The following TRAPPC10 variants were observed in gnomAD, a reference collection of about 807,000 sequenced individuals.
TRAPPC10 encodes TRAPP 130 kDa subunit.
In TRAPPC10, 23 loss-of-function variants were observed where a neutral mutation model predicts 125.5. The ratio of observed to expected loss-of-function variants is 0.18; its 90% confidence interval spans 0.13 to 0.26. TRAPPC10 has a LOEUF of 0.26. TRAPPC10 is among the 10% of genes least tolerant of loss of function. TRAPPC10 has a pLI of 1.00. For synonymous variants in TRAPPC10, 509 were observed against 518.0 expected, an observed-to-expected ratio of 0.98 and a Z score of 0.24; for missense variants, 1,123 against 1,308.4, an observed-to-expected ratio of 0.86 and a Z score of 2.19.
At chr21:44,057,099 G>A (rs905809624) in intron 5 of TRAPPC10, among the ~76,000 whole-genome samples, 1 of 152,146 alleles carries the variant, frequency 6.6e-6, no homozygotes, top group Non-Finnish European at 1.5e-5. Flanking sequence ...TGCTGTGTCT[G>A]CTTATGTGAG....
intron 1 of TRAPPC10, among the ~76,000 whole-genome samples, chr21:44,030,316 A>G (rs1269645096): frequency 6.6e-6 from 1 of 152,144 alleles, no homozygotes; most frequent in Non-Finnish European, 1.5e-5. Context: ...GATTCCATTT[A>G]GTTGGCTTAC....
At chr21:44,069,666 A>G (rs921025471) in intron 7 of TRAPPC10, among the ~76,000 whole-genome samples, 1 of 152,132 alleles carries the variant, frequency 6.6e-6, no homozygotes. Context: ...AGATACATGC[A>G]CACACACATG....
intron 15 of TRAPPC10, among the ~76,000 whole-genome samples, chr21:44,086,022 TG>T (rs2038100784): frequency 6.6e-6 from 1 of 152,260 alleles, no homozygotes; most frequent in Non-Finnish European, 1.5e-5. Flanking sequence ...CAGCAAAGGC[TG>T]TCAGATGTGG....
At chr21:44,039,997 G>A (rs927389161) in intron 3 of TRAPPC10, among the ~76,000 whole-genome samples, 2 of 152,182 alleles carry the variant, frequency 1.3e-5, no homozygotes, top group African/African-American at 2.4e-5. Context: ...GTGCTACAAC[G>A]TGCATAAGAT....
intron 5 of TRAPPC10, among the ~76,000 whole-genome samples, chr21:44,058,068 G>A (rs1207236710): frequency 6.6e-6 from 1 of 152,184 alleles, no homozygotes; most frequent in Non-Finnish European, 1.5e-5. Flanking sequence ...CGCCGTCAGT[G>A]TACAGTTTTT....
In TRAPPC10 at chr21:44,021,356, T is replaced by G. The variant is rs553336034; in HGVS notation, c.67+8796T>G. ...GAGTTTACATTCTGTCAAGAAGAGA[T>G]AGACAATAGACAAATAATGTTAGGT... On this transcript the variant is annotated intron_variant, in intron 1 of 22. Transcript: ENST00000291574. Among the ~76,000 whole-genome samples the G allele has an allele frequency of 1.3e-4, 20 of 152,072 alleles. No homozygotes were observed. In the South Asian group the frequency reaches 2.1e-3, roughly 16 times the overall value.
At chr21:44,074,068 A>G (rs2037091032) in intron 7 of TRAPPC10, among the ~76,000 whole-genome samples, 2 of 152,218 alleles carry the variant, frequency 1.3e-5, no homozygotes. Context: ...AAATACAATA[A>G]TTGAAAGTTA....
chr21:44,091,981 A>T lies in TRAPPC10; in HGVS notation c.2929A>T (p.Ser977Cys), dbSNP rs386352376. The change falls in exon 19 of 23, where the codon AGT becomes TGT. Residue 977 changes from serine to cysteine, a missense_variant. Around this residue, in one of 4 missense-constraint regions of TRAPPC10, gnomAD observed 840 missense variants for 902.0 expected, o/e 0.93. Transcript: ENST00000291574. ...LSELDFQLSD[S>C]YLVDTGDSTD... Reference sequence around the variant, plus strand: ...AGAACTTGACTTTCAGCTGTCAGATAGTTATCTTGTAGATACCGGTGATAG... The same window carrying T: ...AGAACTTGACTTTCAGCTGTCAGATTGTTATCTTGTAGATACCGGTGATAG... The T allele has an allele frequency of 6.2e-7, 1 of 1,614,184 alleles. No individual in the cohort carries two copies. The highest frequency in any genetic ancestry group is 8.5e-7 in the Non-Finnish European group (1 of 1,180,022).
intron 13 of TRAPPC10, among the ~76,000 whole-genome samples, chr21:44,081,017 C>CTTTCTTTTTTTTT (rs2037688189): frequency 1.0e-5 from 1 of 97,196 alleles, no homozygotes; most frequent in African/African-American, 4.2e-5. Flanking sequence ...TTTTTTTTTT[C>CTTTCTTTTTTTTT]TTTTTTTTTT....
intron 1 of TRAPPC10, among the ~76,000 whole-genome samples, chr21:44,016,906 C>T (rs572277006): frequency 1.1e-4 from 17 of 152,350 alleles, no homozygotes; most frequent in Non-Finnish European, 1.3e-4. Context: ...CTGCCCGCCT[C>T]AGCCTCCCAA....
chr21:44,030,281 A>G (rs1317276570), intron 1 of TRAPPC10, among the ~76,000 whole-genome samples: 1 of 152,096 alleles, frequency 6.6e-6, no homozygotes, highest in Admixed American at 6.6e-5. Flanking sequence ...TTTTATATAG[A>G]AAACCAAGTG....
rs2038454170 is a variant in TRAPPC10 at position 44,089,867 on chromosome 21, C to T, written c.2804C>T (p.Thr935Ile). The change falls in exon 18 of 23, where the codon ACA becomes ATA. Residue 935 changes from threonine (T) to isoleucine (I), a missense_variant. Thr to Ile is a moderately conservative substitution (Grantham distance 89). This residue lies in a region of TRAPPC10 where 840 missense variants were observed against 902.0 expected (regional missense o/e 0.93). Coordinates refer to ENST00000291574, the MANE Select transcript of TRAPPC10 (RefSeq NM_003274.5). ...SIDCPWSIYS[T>I]VIALTFSVPF... ...GACTGCCCGTGGTCCATCTACTCCA[C>T]AGTCATCGCACTGACCTTCAGCGTA... The T allele has an allele frequency of 3.1e-6, 5 of 1,613,974 alleles. No individual in the cohort carries two copies. The East Asian group carries it at 1.1e-4, about 36-fold the overall frequency.
chr21:44,078,749 T>C (rs2037460780), intron 11 of TRAPPC10, among the ~76,000 whole-genome samples: 2 of 152,206 alleles, frequency 1.3e-5, no homozygotes, highest in African/African-American at 2.4e-5. Context: ...GAGGGGATCC[T>C]TGTTGCTCCT....
chr21:44,030,527 G>C lies in TRAPPC10; in HGVS notation c.68-1564G>C, dbSNP rs182373375. Reference sequence around the variant, plus strand: ...TTGTTGCCCAGGCTGGAGTGCAATGGTGCAATCTTGGCTCACTGCAACCTC... The same window carrying C: ...TTGTTGCCCAGGCTGGAGTGCAATGCTGCAATCTTGGCTCACTGCAACCTC... On this transcript the variant is annotated intron_variant, in intron 1 of 22. Transcript: ENST00000291574. 8.5e-4 allele frequency among the ~76,000 whole-genome samples: 129 copies of C among 151,970 alleles called. 2 individuals are homozygous for C. The Middle Eastern group carries it at 0.021, about 24-fold the overall frequency.
intron 17 of TRAPPC10, 43 bp from the exon 18 acceptor site, chr21:44,089,790 C>G (rs759095297): frequency 6.7e-7 from 1 of 1,501,380 alleles, no homozygotes; most frequent in South Asian, 1.1e-5. Flanking sequence ...CTGTGCTGTC[C>G]GTCGGCGAGT....
Position 44,080,008 on chromosome 21 carries a change from G to A in TRAPPC10, c.1611-7G>A, listed in dbSNP as rs373277961. On this transcript the variant is annotated splice_polypyrimidine_tract_variant and splice_region_variant and intron_variant, in intron 12 of 22. Transcript: ENST00000291574. ...GCCTCTCCACGCTCCTTACCTCTCC[G>A]CTCCAGCTACCTGCAGACCAGCAGC... 3.7e-6 allele frequency: 6 copies of A among 1,612,734 alleles called. No individual in the cohort carries two copies. Among genetic ancestry groups the A allele is most frequent in the East Asian group, 4.5e-5 (2 of 44,884 alleles).
intron 10 of TRAPPC10, 96 bp downstream of exon 10, chr21:44,076,724 G>T: frequency 2.8e-6 from 3 of 1,070,188 alleles, no homozygotes; most frequent in South Asian, 2.8e-5. Context: ...AACTGGTGTG[G>T]GGGGCCCCTT....
chr21:44,055,026 A>G (rs1361135287), intron 4 of TRAPPC10, among the ~76,000 whole-genome samples: 1 of 152,198 alleles, frequency 6.6e-6, no homozygotes, highest in East Asian at 1.9e-4. Context: ...TGAGAAATCT[A>G]AATTTATCCT....
chr21:44,025,636 TAAAACAGAAA>T (rs1192985001), intron 1 of TRAPPC10, among the ~76,000 whole-genome samples: 1 of 152,206 alleles, frequency 6.6e-6, no homozygotes, highest in Non-Finnish European at 1.5e-5. Flanking sequence ...TCTTTTAAGT[TAAAACAGAAA>T]AAGACTGGGA....
Sources: gnomAD v4.1 joint callset for allele counts (sites outside exome capture counted in the v4.1 genomes callset) on GRCh38, gnomAD v4.1.1 for gene constraint, gnomAD v4.1.1 regional missense constraint, MANE v1.5 for transcripts, NCBI Gene and HGNC (gene_info 2026-07-23, HGNC 2026-07-21) for gene names.